The following KIFC3 variants were observed in gnomAD, a reference collection of about 807,000 sequenced individuals.
KIFC3 encodes the protein kinesin family member C3.
Under a neutral mutation model 101.8 loss-of-function variants are expected in KIFC3, and 60 were observed. The observed-to-expected ratio is 0.59, with a 90% confidence interval of 0.48 to 0.73. KIFC3 has a LOEUF of 0.73. KIFC3 is among the 30% of genes least tolerant of loss of function. The pLI, the probability that KIFC3 is intolerant of heterozygous loss-of-function variation, is 0.00. For synonymous variants in KIFC3, 476 were observed against 482.7 expected (o/e 0.99, Z 0.18); for missense variants, 966 against 1,137.1 (o/e 0.85, Z 2.16).
In KIFC3 at chr16:57,772,142, C is replaced by T. The variant is rs936619254; in HGVS notation, c.381+81G>A. Reference sequence around the variant, plus strand: ...TATGCGGGCTCAGGAGAGAGAGGGTCGCACCCCTGCCCCTGGCAGGGCCCA... The same window carrying T: ...TATGCGGGCTCAGGAGAGAGAGGGTTGCACCCCTGCCCCTGGCAGGGCCCA... On this transcript the variant is annotated intron_variant, in intron 4 of 19. Transcript: ENST00000445690. The T allele has an allele frequency of 5.7e-5, 70 of 1,229,530 alleles. 2 individuals are homozygous for T. The highest frequency in any genetic ancestry group is 2.8e-5 in the Non-Finnish European group (24 of 862,662). 76.2% of individuals were successfully genotyped at this position (1,229,530 alleles called of 1,614,324 possible). A position where few individuals can be genotyped will look rare whatever the true frequency, so the allele number is the denominator to read the frequency against.
upstream of KIFC3, among the ~76,000 whole-genome samples, chr16:57,807,277 C>A (rs147272430): frequency 2.0e-5 from 3 of 152,096 alleles, no homozygotes; most frequent in African/African-American, 7.2e-5. Flanking sequence ...TGGCACTGCA[C>A]CCAGCCCCAT....
At chr16:57,823,422 C>T (rs1568088025) in intron 1 of KIFC3, among the ~76,000 whole-genome samples, 1 of 152,266 alleles carries the variant, frequency 6.6e-6, no homozygotes, top group Non-Finnish European at 1.5e-5. Context: ...TCCTCAGGAC[C>T]TCCTGAGGCT....
At chr16:57,811,844 G>A (rs797023931) in intron 1 of KIFC3, among the ~76,000 whole-genome samples, 7 of 151,468 alleles carry the variant, frequency 4.6e-5, no homozygotes, top group African/African-American at 1.5e-4. Flanking sequence ...GAACCTGGGA[G>A]GCAGAGGTTG....
At chr16:57,823,559 A>G (rs1254875096) in intron 1 of KIFC3, among the ~76,000 whole-genome samples, 1 of 152,212 alleles carries the variant, frequency 6.6e-6, no homozygotes, top group Non-Finnish European at 1.5e-5. Flanking sequence ...ACAGTGAAGT[A>G]TTCAAGGGTT....
chr16:57,834,997 T>C (rs1432713643), intron 1 of KIFC3, among the ~76,000 whole-genome samples: 1 of 152,142 alleles, frequency 6.6e-6, no homozygotes, highest in African/African-American at 2.4e-5. Context: ...GGTGGTAAAA[T>C]TCAGGAGGAA....
chr16:57,826,922 G>A (rs558304984), intron 1 of KIFC3, among the ~76,000 whole-genome samples: 2 of 152,304 alleles, frequency 1.3e-5, no homozygotes, highest in East Asian at 3.9e-4. Flanking sequence ...TGCTCCACAC[G>A]GTGCTGCGCT....
intron 1 of KIFC3, among the ~76,000 whole-genome samples, chr16:57,811,451 G>A (rs2055072018): frequency 2.0e-5 from 3 of 152,158 alleles, no homozygotes; most frequent in South Asian, 4.1e-4. Flanking sequence ...GGCCAAGCGC[G>A]ATGGCTCACG....
At chr16:57,808,257 C>T (rs1170465348) in intron 1 of KIFC3, among the ~76,000 whole-genome samples, 2 of 152,076 alleles carry the variant, frequency 1.3e-5, no homozygotes, top group East Asian at 3.9e-4. Context: ...TGGACGTAAG[C>T]ACCAGGTAAT....
intron 1 of KIFC3, among the ~76,000 whole-genome samples, chr16:57,828,210 G>A (rs1474112478): frequency 6.6e-6 from 1 of 152,242 alleles, no homozygotes; most frequent in African/African-American, 2.4e-5. Context: ...GCCTGTACAA[G>A]TGCTTTACCT....
At chr16:57,849,170 T>G (rs1179354392) in intron 1 of KIFC3, among the ~76,000 whole-genome samples, 2 of 152,214 alleles carry the variant, frequency 1.3e-5, no homozygotes, top group Non-Finnish European at 2.9e-5. Flanking sequence ...TAAGCCTTTT[T>G]GGGGACAGAA....
At chr16:57,790,345 G>A (rs899889616) in intron 3 of KIFC3, among the ~76,000 whole-genome samples, 11 of 146,222 alleles carry the variant, frequency 7.5e-5, no homozygotes, top group African/African-American at 2.8e-4. Context: ...GCCTCCCAAA[G>A]TGTCAGGACT....
At chr16:57,822,933 G>A (rs193044581) in intron 1 of KIFC3, among the ~76,000 whole-genome samples, 1 of 140,574 alleles carries the variant, frequency 7.1e-6, no homozygotes, top group East Asian at 2.0e-4. Context: ...TATTGGTTAT[G>A]TAAACCAAAA....
At chr16:57,815,658 G>A (rs2055203299) in intron 1 of KIFC3, 1 of 1,289,136 alleles carries the variant, frequency 7.8e-7, no homozygotes, top group East Asian at 5.6e-5. Flanking sequence ...AAGTGAAGTG[G>A]GTATTCCTGC....
intron 1 of KIFC3, chr16:57,816,367 CTTGAGG>C: frequency 1.2e-6 from 1 of 835,830 alleles, no homozygotes; most frequent in Non-Finnish European, 1.7e-6. Context: ...CTGGCTTCCT[CTTGAGG>C]AAGGCCTCAG....
At chr16:57,760,976 A>T (rs2965799) in intron 15 of KIFC3, 21 bp from the exon 16 acceptor site, 1,158,127 of 1,603,610 alleles carry the variant, frequency 0.72, 429,057 homozygotes, top group Non-Finnish European at 0.76. Context: ...GGCACCCACC[A>T]GATCAGGCCT....
chr16:57,777,153 A>G (rs2052198201), intron 3 of KIFC3: 1 of 152,060 alleles, frequency 6.6e-6, no homozygotes, highest in Non-Finnish European at 1.5e-5. Flanking sequence ...AAGGTTAAAT[A>G]TTGTATGCTA....
chr16:57,842,549 TAATAATTC>T (rs1226955872), intron 1 of KIFC3, among the ~76,000 whole-genome samples: 3 of 152,228 alleles, frequency 2.0e-5, no homozygotes, highest in African/African-American at 4.8e-5. Flanking sequence ...AATAATTCAA[TAATAATTC>T]AATAATTCAA....
At chr16:57,818,218 A>C (rs947739541) in intron 1 of KIFC3, among the ~76,000 whole-genome samples, 23 of 152,086 alleles carry the variant, frequency 1.5e-4, no homozygotes, top group Non-Finnish European at 2.9e-5. Context: ...AAGTGCTGGG[A>C]TTACAGGCAT....
At chr16:57,770,106 TC>T in intron 7 of KIFC3, 151 bp from the exon 8 acceptor site, 1 of 991,714 alleles carries the variant, frequency 1.0e-6, no homozygotes, top group Non-Finnish European at 1.4e-6. Context: ...TGGCCTTGTC[TC>T]CCTCCCCCTA....
Sources: allele counts gnomAD v4.1 joint callset (sites outside exome capture counted in the v4.1 genomes callset), GRCh38; gene constraint gnomAD v4.1.1; transcripts MANE v1.5; gene names NCBI Gene and HGNC (gene_info 2026-07-23, HGNC 2026-07-21).